TP63: variants seen among roughly 807,000 people sequenced by gnomAD.
TP63 encodes the protein tumor protein 63.
TP63 carries 17 observed loss-of-function variants against 82.8 expected under a neutral mutation model. The ratio of observed to expected loss-of-function variants is 0.21; its 90% confidence interval spans 0.14 to 0.31. TP63 has a LOEUF of 0.31. Ranked by LOEUF, TP63 falls within the 10% of genes least tolerant of loss-of-function variation. TP63 has a pLI of 1.00. For synonymous variants in TP63, 330 were observed against 321.7 expected, an observed-to-expected ratio of 1.03 and a Z score of -0.28; for missense variants, 648 against 895.3, an observed-to-expected ratio of 0.72 and a Z score of 3.52.
At chr3:189,692,757 G>C (rs753799178) in intron 1 of TP63, among the ~76,000 whole-genome samples, 16 of 152,198 alleles carry the variant, frequency 1.1e-4, no homozygotes, top group Non-Finnish European at 2.4e-4. Flanking sequence ...ATACGGAGAT[G>C]TTGCGAGCAA....
intron 10 of TP63, among the ~76,000 whole-genome samples, chr3:189,874,224 C>A (rs1182835825): frequency 6.6e-6 from 1 of 152,092 alleles, no homozygotes; most frequent in Non-Finnish European, 1.5e-5. Context: ...CACCTGCCAC[C>A]ATGCCTGGCA....
intron 3 of TP63, among the ~76,000 whole-genome samples, chr3:189,754,009 G>A (rs6781804): frequency 0.19 from 28,613 of 151,974 alleles, 3,024 homozygotes; most frequent in Middle Eastern, 0.29. Context: ...TTCATCAGAT[G>A]CTTATAATTT....
chr3:189,784,191 A>T (rs1347046313), intron 3 of TP63, among the ~76,000 whole-genome samples: 1 of 152,020 alleles, frequency 6.6e-6, no homozygotes. Context: ...AGGAGAGATT[A>T]TCTTATCTCT....
chr3:189,865,647 C>A (rs550347859), intron 5 of TP63, among the ~76,000 whole-genome samples: 1 of 152,120 alleles, frequency 6.6e-6, no homozygotes, highest in Non-Finnish European at 1.5e-5. Context: ...GAGAATGGAT[C>A]GGAATTTAAA....
rs11917610 is a variant in TP63, at chr3:189,742,472, T to A, written c.324+3698T>A. Among the ~76,000 whole-genome samples the A allele has an allele frequency of 6.6e-3, 1,000 of 152,196 alleles. 14 individuals are homozygous for A. Among genetic ancestry groups the A allele is most frequent in the African/African-American group, 0.022 (916 of 41,522 alleles). On this transcript the variant is annotated intron_variant, in intron 3 of 13. Transcript: ENST00000264731. ...TTTTAACCTGTATTGGATTTTTCCC[T>A]GGGGAGTTGGTGGTAATTATTTAAA...
intron 1 of TP63, among the ~76,000 whole-genome samples, chr3:189,682,195 C>T (rs1715972010): frequency 6.6e-6 from 1 of 152,028 alleles, no homozygotes; most frequent in Non-Finnish European, 1.5e-5. Flanking sequence ...CAGTGCAACA[C>T]AGAAGACCTC....
At chr3:189,848,959 G>A (rs1715287319) in intron 4 of TP63, among the ~76,000 whole-genome samples, 1 of 152,158 alleles carries the variant, frequency 6.6e-6, no homozygotes. Context: ...TAGAGAGTCA[G>A]CCCCACCCCC....
At chr3:189,654,249 A>C (rs1713133762) in intron 1 of TP63, among the ~76,000 whole-genome samples, 1 of 152,168 alleles carries the variant, frequency 6.6e-6, no homozygotes, top group Admixed American at 6.5e-5. Flanking sequence ...TTTTGTAAAA[A>C]AAAAAAAGAA....
At chr3:189,764,485 A>G (rs942835934) in intron 3 of TP63, among the ~76,000 whole-genome samples, 1 of 152,182 alleles carries the variant, frequency 6.6e-6, no homozygotes, top group African/African-American at 2.4e-5. Flanking sequence ...TGTGTGCAGT[A>G]TAAGCTTTTT....
intron 1 of TP63, among the ~76,000 whole-genome samples, chr3:189,688,905 T>C (rs777519090): frequency 2.8e-4 from 43 of 151,994 alleles, no homozygotes; most frequent in Admixed American, 9.8e-4. Context: ...ACAAGATGAT[T>C]TACAGGTCAT....
rs556140760 is a variant in TP63, at chr3:189,710,849, G to A, written c.63-26891G>A. 6.6e-5 allele frequency among the ~76,000 whole-genome samples: 10 copies of A among 152,258 alleles called. No individual in the cohort carries two copies. In the South Asian group the frequency reaches 2.1e-3, roughly 31 times the overall value. On this transcript the variant is annotated intron_variant, in intron 1 of 13. Transcript: ENST00000264731. ...ACACAGCTGTGTGCTTCATTAAATA[G>A]TGATGTCTACAAATCACAGCAGTGT...
chr3:189,822,357 T>A (rs771041157), intron 4 of TP63, among the ~76,000 whole-genome samples: 12 of 152,104 alleles, frequency 7.9e-5, no homozygotes, highest in Non-Finnish European at 1.5e-4. Flanking sequence ...ACTTTAAAAC[T>A]TTTACCCCAA....
intron 4 of TP63, among the ~76,000 whole-genome samples, chr3:189,825,875 G>A (rs946420139): frequency 6.6e-6 from 1 of 152,114 alleles, no homozygotes; most frequent in African/African-American, 2.4e-5. Context: ...GCTGTAATTT[G>A]TACCCAGTAT....
chr3:189,770,139 G>T (rs1723228344), intron 3 of TP63, among the ~76,000 whole-genome samples: 1 of 152,110 alleles, frequency 6.6e-6, no homozygotes, highest in Non-Finnish European at 1.5e-5. Flanking sequence ...TTAGAAAAGT[G>T]GTACAATCTG....
chr3:189,608,927 A>T, the TP63 span, among the ~76,000 whole-genome samples: 7 of 141,204 alleles, frequency 5.0e-5, no homozygotes, highest in African/African-American at 1.5e-4. Flanking sequence ...GATTTGGAGC[A>T]CCACGTACAA....
chr3:189,865,525 T>G lies in TP63; in HGVS notation c.766+1107T>G, dbSNP rs147697050. 7.4e-4 allele frequency among the ~76,000 whole-genome samples: 112 copies of G among 152,196 alleles called. No homozygotes were observed. The Middle Eastern group carries it at 0.01, about 14-fold the overall frequency. On this transcript the variant is annotated intron_variant, in intron 5 of 13. Transcript: ENST00000264731. ...AGCATAAGCAATCCTCAAAGAGTAT[T>G]GAGGGTGCCAAAGGTGTTGGGGGTT...
chr3:189,644,084 C>G (rs1230723381), intron 1 of TP63, among the ~76,000 whole-genome samples: 2 of 152,150 alleles, frequency 1.3e-5, no homozygotes, highest in Non-Finnish European at 2.9e-5. Flanking sequence ...GCCTTTTCAG[C>G]TCAAGAAGCT....
chr3:189,663,872 A>G (rs879507772), intron 1 of TP63, among the ~76,000 whole-genome samples: 3 of 151,938 alleles, frequency 2.0e-5, no homozygotes, highest in Non-Finnish European at 4.4e-5. Context: ...TTTTATTCTT[A>G]AATTCACTTA....
chr3:189,867,989 C>T, intron 7 of TP63, 47 bp downstream of exon 7: 2 of 1,503,032 alleles, frequency 1.3e-6, no homozygotes, highest in Non-Finnish European at 1.8e-6. Context: ...AAATCACGAG[C>T]AGAGGGCAAA....
Sources: gnomAD v4.1 joint callset for allele counts (sites outside exome capture counted in the v4.1 genomes callset) on GRCh38, gnomAD v4.1.1 for gene constraint, MANE v1.5 for transcripts, NCBI Gene and HGNC (gene_info 2026-07-23, HGNC 2026-07-21) for gene names.